Variants in GPR39 observed in about 807,000 individuals in gnomAD.
The protein encoded by GPR39 is zinc sensing receptor.
GPR39 carries 23 observed loss-of-function variants against 18.4 expected under a neutral mutation model. That is an observed-to-expected ratio of 1.25 (90% confidence interval 0.90 to 1.77). GPR39 has a LOEUF of 1.77. Ranked by LOEUF, GPR39 falls within the 40% of genes most tolerant of loss-of-function variation. The pLI is 0.00. For missense variants in GPR39, 647 were observed against 602.4 expected, an observed-to-expected ratio of 1.07 and a Z score of -0.78; for synonymous variants, 280 against 257.9, an observed-to-expected ratio of 1.09 and a Z score of -0.82.
intron 1 of GPR39, among the ~76,000 whole-genome samples, chr2:132,427,115 TATAC>T (rs1573596195): frequency 2.4e-5 from 2 of 81,684 alleles, no homozygotes; most frequent in East Asian, 2.7e-4. Context: ...ATATATATAA[TATAC>T]ATATATAGGT....
rs1400217546 is a variant in GPR39 at position 132,416,853 on chromosome 2, A to T, written c.-190A>T. On this transcript the variant is annotated 5_prime_UTR_variant, in exon 1 of 2. Coordinates refer to ENST00000329321, the MANE Select transcript of GPR39 (RefSeq NM_001508.3). The stretch of plus-strand genomic sequence containing the variant: ...CCCAGGCGCCTCCTGGGCCTCTCCT[A>T]GGTTGGGCTGCTCCAGCAAGTTTCC... The T allele has an allele frequency of 2.8e-6, 2 of 717,082 alleles. No homozygotes were observed. The highest frequency in any genetic ancestry group is 4.5e-6 in the Non-Finnish European group (2 of 441,780). The allele number at this position is 717,082 out of a possible 1,614,324, so 44.4% of individuals were successfully genotyped here.
At chr2:132,602,871 GAA>G (rs56271366) in intron 1 of GPR39, among the ~76,000 whole-genome samples, 2 of 137,962 alleles carry the variant, frequency 1.4e-5, no homozygotes, top group Admixed American at 7.2e-5. Context: ...CTTAAAAAGA[GAA>G]AAAAAAAAAA....
At position 132,484,401 on chromosome 2, in the gene GPR39, A is replaced by C. The variant is rs186284485; in HGVS notation, c.856+66503A>C. On this transcript the variant is annotated intron_variant, in intron 1 of 1. Coordinates refer to ENST00000329321, the MANE Select transcript of GPR39 (RefSeq NM_001508.3). ...CAAAGGCATTAATGGGTTAGCAAAA[A>C]ATAAAGAACCTAATAGGCCACAATG... Among the ~76,000 whole-genome samples, 8 of 152,362 alleles carry C rather than the reference A, an allele frequency of 5.3e-5. No homozygotes were observed. The East Asian group carries it at 1.5e-3, about 29-fold the overall frequency.
At chr2:132,436,084 C>A (rs1166690445) in intron 1 of GPR39, among the ~76,000 whole-genome samples, 1 of 152,134 alleles carries the variant, frequency 6.6e-6, no homozygotes, top group African/African-American at 2.4e-5. Context: ...GCCCTGAGGC[C>A]CCCCGAGTCC....
intron 1 of GPR39, among the ~76,000 whole-genome samples, chr2:132,453,689 T>C (rs929016839): frequency 5.9e-5 from 9 of 152,244 alleles, no homozygotes; most frequent in African/African-American, 2.2e-4. Flanking sequence ...GTTTCAGCTT[T>C]CTGCATATGG....
rs536951068 is a variant in GPR39 at position 132,552,194 on chromosome 2, T to C, written c.857-92907T>C. Among the ~76,000 whole-genome samples the C allele has an allele frequency of 5.9e-5, 9 of 152,324 alleles. No homozygotes were observed. In the East Asian group the frequency reaches 1.5e-3, roughly 26 times the overall value. On this transcript the variant is annotated intron_variant, in intron 1 of 1. Coordinates refer to ENST00000329321, the MANE Select transcript of GPR39 (RefSeq NM_001508.3). ...ACATTGTTTTAGGTATTTGATATAT[T>C]AATAGTTTGGATATATGTCCTTACC...
chr2:132,591,747 C>T lies in GPR39; in HGVS notation c.857-53354C>T, dbSNP rs183107245. Among the ~76,000 whole-genome samples the T allele has an allele frequency of 3.6e-3, 546 of 152,270 alleles. 6 individuals carry two copies. The highest frequency in any genetic ancestry group is 6.0e-3 in the Non-Finnish European group (410 of 68,026). ...TGTTTGTAGCCAAAGATCAACATCA[C>T]AATGGATAAGCTGCAGGAAAGGACA... is the stretch of plus-strand genomic sequence containing the variant. On this transcript the variant is annotated intron_variant, in intron 1 of 1. Coordinates refer to ENST00000329321, the MANE Select transcript of GPR39 (RefSeq NM_001508.3).
At chr2:132,423,368 C>CT (rs1421255309) in intron 1 of GPR39, among the ~76,000 whole-genome samples, 1 of 152,192 alleles carries the variant, frequency 6.6e-6, no homozygotes, top group East Asian at 1.9e-4. Flanking sequence ...ACCCTTACAA[C>CT]TTTATTTTAC....
intron 1 of GPR39, among the ~76,000 whole-genome samples, chr2:132,456,464 T>A (rs1160242646): frequency 6.6e-6 from 1 of 152,214 alleles, no homozygotes; most frequent in African/African-American, 2.4e-5. Flanking sequence ...AATTGGGGCA[T>A]TTGGCCCATT....
rs112349309 is a variant in GPR39 at position 132,509,452 on chromosome 2, A to ACACT, written c.856+91560_856+91563dup. Among the ~76,000 whole-genome samples the ACACT allele has an allele frequency of 1.3e-4, 20 of 151,956 alleles. No homozygotes were observed. In the East Asian group the frequency reaches 1.6e-3, roughly 12 times the overall value. ...ATCATATACACACTCACACACACAG[A>ACACT]CACTCACTCGCACATGTCCCTCACT... On this transcript the variant is annotated intron_variant, in intron 1 of 1. Coordinates refer to ENST00000329321, the MANE Select transcript of GPR39 (RefSeq NM_001508.3).
At chr2:132,472,377 C>T (rs2104783918) in intron 1 of GPR39, among the ~76,000 whole-genome samples, 1 of 152,348 alleles carries the variant, frequency 6.6e-6, no homozygotes, top group South Asian at 2.1e-4. Flanking sequence ...AGCAAATCCA[C>T]TTGCCACTCC....
Position 132,416,867 on chromosome 2 carries a change from C to T in GPR39, c.-176C>T. ...GGGCCTCTCCTAGGTTGGGCTGCTCCAGCAAGTTTCCATGAAAGCACCTGA... is the reference window on the plus strand; with the variant it reads ...GGGCCTCTCCTAGGTTGGGCTGCTCTAGCAAGTTTCCATGAAAGCACCTGA... On this transcript the variant is annotated 5_prime_UTR_variant, in exon 1 of 2. Coordinates refer to ENST00000329321, the MANE Select transcript of GPR39 (RefSeq NM_001508.3). 2.3e-6 allele frequency: 2 copies of T among 855,664 alleles called. No homozygotes were observed. The highest frequency in any genetic ancestry group is 1.8e-6 in the Non-Finnish European group (1 of 566,554). 53.0% of individuals were successfully genotyped at this position (855,664 alleles called of 1,614,324 possible).
At position 132,645,502 on chromosome 2, in the gene GPR39, CAGTCTA is replaced by C; in HGVS notation, c.1263_1268del (p.Lys422_Ser423del). The C allele has an allele frequency of 6.2e-7, 1 of 1,613,642 alleles. No individual in the cohort carries two copies. The highest frequency in any genetic ancestry group is 8.5e-7 in the Non-Finnish European group (1 of 1,180,010). On this transcript the variant is annotated inframe_deletion, in exon 2 of 2. Transcript: ENST00000329321. Reference sequence around the variant, plus strand: ...CACTTTTCAGAGCGAGGCCGAGCCCCAGTCTAAGTCCCAGTCATTGAGTCTCGAGTC... The same window carrying C: ...CACTTTTCAGAGCGAGGCCGAGCCCCAGTCCCAGTCATTGAGTCTCGAGTC...
intron 1 of GPR39, among the ~76,000 whole-genome samples, chr2:132,473,041 A>G (rs569906970): frequency 3.2e-4 from 49 of 152,204 alleles, no homozygotes; most frequent in African/African-American, 1.1e-3. Flanking sequence ...AGCTTGTGCC[A>G]CTGCCTGAAC....
intron 1 of GPR39, among the ~76,000 whole-genome samples, chr2:132,627,423 CT>C (rs777134613): frequency 6.6e-6 from 1 of 152,188 alleles, no homozygotes; most frequent in Non-Finnish European, 1.5e-5. Flanking sequence ...ACTACTTTGT[CT>C]TTACCTCAAA....
chr2:132,515,793 AG>A (rs1427549875), intron 1 of GPR39, among the ~76,000 whole-genome samples: 2 of 152,172 alleles, frequency 1.3e-5, no homozygotes, highest in Middle Eastern at 3.2e-3. Flanking sequence ...GTCACACAGA[AG>A]CCAAGAAGAA....
At chr2:132,638,609 G>A (rs1037817427) in intron 1 of GPR39, among the ~76,000 whole-genome samples, 10 of 152,164 alleles carry the variant, frequency 6.6e-5, no homozygotes, top group Non-Finnish European at 1.5e-4. Context: ...TGGACGCCTC[G>A]GGTCAGACAA....
chr2:132,533,000 A>G (rs1006869115), intron 1 of GPR39, among the ~76,000 whole-genome samples: 9 of 152,142 alleles, frequency 5.9e-5, no homozygotes, highest in Admixed American at 5.2e-4. Context: ...GGCCAGGGCA[A>G]TCAGGCAGGA....
intron 1 of GPR39, among the ~76,000 whole-genome samples, chr2:132,615,034 C>T (rs559533026): frequency 2.4e-4 from 37 of 152,298 alleles, no homozygotes; most frequent in East Asian, 7.7e-4. Flanking sequence ...CACCCCTTCC[C>T]GGCTCTGTTC....
Sources: allele counts gnomAD v4.1 joint callset (sites outside exome capture counted in the v4.1 genomes callset), GRCh38; gene constraint gnomAD v4.1.1; transcripts MANE v1.5; gene names NCBI Gene and HGNC (gene_info 2026-07-23, HGNC 2026-07-21).